Variants in OR11H4 observed in about 807,000 individuals in gnomAD.
OR11H4 encodes olfactory receptor family 11 subfamily H member 4, also known as olfactory receptor 11H4.
For missense variants in OR11H4, 460 were observed against 371.1 expected (o/e 1.24, Z -1.97); for synonymous variants, 162 against 142.3 (o/e 1.14, Z -0.98).
chr14:20,241,484 A>C (rs1880916942), intron 1 of OR11H4, among the ~76,000 whole-genome samples: 1 of 152,236 alleles, frequency 6.6e-6, no homozygotes, highest in African/African-American at 2.4e-5. Flanking sequence ...ACAAATCAAA[A>C]GCTGAAAAGG....
intron 1 of OR11H4, among the ~76,000 whole-genome samples, chr14:20,240,952 C>T (rs1397344169): frequency 7.2e-5 from 11 of 152,054 alleles, no homozygotes; most frequent in Admixed American, 7.2e-4. Context: ...TGTTTAAACA[C>T]ATTTGTGTAT....
At position 20,242,904 on chromosome 14, in the gene OR11H4, TCTC is replaced by T; in HGVS notation, c.84_86del (p.Phe28_Ser29delinsLeu). ...TGCTGGAAGATTCAGATTTTCCTCT[TCTC>T]ATTGTTTTTGGTGATTTATGTCTTG... On this transcript the variant is annotated inframe_deletion, in exon 2 of 2. Transcript: ENST00000641082. The T allele has an allele frequency of 1.9e-6, 3 of 1,614,166 alleles. No individual in the cohort carries two copies. The highest frequency in any genetic ancestry group is 2.2e-5 in the South Asian group (2 of 91,084).
At position 20,243,303 on chromosome 14, in the gene OR11H4, T is replaced by C. The variant is rs751648738; in HGVS notation, c.482T>C (p.Phe161Ser). 6.2e-7 allele frequency: 1 copy of C among 1,614,182 alleles called. No individual in the cohort carries two copies. Among genetic ancestry groups the C allele is most frequent in the Non-Finnish European group, 8.5e-7 (1 of 1,180,018 alleles). Residue 161 changes from phenylalanine (F) to serine (S), a missense_variant, in exon 2 of 2, where the codon TTC becomes TCC. Coordinates refer to ENST00000641082, the MANE Select transcript of OR11H4 (RefSeq NM_001004479.2). ...IGFLGYPIPIFYISQLPFCGP... is the reference protein window; with the variant it reads ...IGFLGYPIPISYISQLPFCGP... ...TTCCTTGGATACCCAATTCCCATTT[T>C]CTACATCTCCCAACTCCCCTTCTGT... is the stretch of plus-strand genomic sequence containing the variant.
Position 20,242,303 on chromosome 14 carries a change from G to A in OR11H4, c.-11-508G>A, listed in dbSNP as rs375310417. ...TGGTTTATTGAGACTAGAGAATGGC[G>A]ATGACTTTTACCAAGTATACTGCTT... On this transcript the variant is annotated intron_variant, in intron 1 of 1. Transcript: ENST00000641082. Among the ~76,000 whole-genome samples the A allele has an allele frequency of 1.3e-3, 194 of 152,204 alleles. 2 individuals are homozygous for A. Among genetic ancestry groups the A allele is most frequent in the African/African-American group, 3.3e-3 (135 of 41,514 alleles).
chr14:20,243,951 TC>T lies in OR11H4; in HGVS notation c.*187del. ...AACCTTAATTAACTGGTCTTCAACA[TC>T]CACTTAAAAGTTTTCAAAGCCTGTC... is the stretch of plus-strand genomic sequence containing the variant. On this transcript the variant is annotated 3_prime_UTR_variant, in exon 2 of 2. Transcript: ENST00000641082. 2.0e-6 allele frequency: 1 copy of T among 494,706 alleles called. No homozygotes were observed. The highest frequency in any genetic ancestry group is 3.3e-5 in the East Asian group (1 of 30,658). The allele number at this position is 494,706 out of a possible 1,614,324, so 30.6% of individuals were successfully genotyped here.
At chr14:20,241,875 T>A (rs8018261) in intron 1 of OR11H4, among the ~76,000 whole-genome samples, 136,798 of 151,998 alleles carry the variant, frequency 0.9, 61,954 homozygotes, top group African/African-American at 0.95. Flanking sequence ...TATGCCTGGA[T>A]GTGCACGTAG....
rs530961333 is a variant in OR11H4, at chr14:20,241,680, A to G, written c.-11-1131A>G. Among the ~76,000 whole-genome samples the G allele has an allele frequency of 1.8e-3, 276 of 152,288 alleles. 1 individual carries two copies. Among genetic ancestry groups the G allele is most frequent in the African/African-American group, 3.0e-3 (123 of 41,560 alleles). On this transcript the variant is annotated intron_variant, in intron 1 of 1. Transcript: ENST00000641082. ...ACAACAGTGAGCCCAGGGGACCGGT[A>G]CTCAGCACACCAAGGACCTGCACCG...
chr14:20,243,478 C>A lies in OR11H4; in HGVS notation c.657C>A (p.Ile219=). The change falls in exon 2 of 2, where the codon ATC becomes ATA. Residue 219 remains isoleucine, a synonymous_variant. Transcript: ENST00000641082. ...FTSMYILRSY[I]LLLTAVFQVP... is the part of the protein sequence containing the mutation. The stretch of plus-strand genomic sequence containing the variant: ...GTATGTACATTCTTCGATCCTATAT[C>A]CTGTTACTAACAGCTGTTTTTCAGG... The A allele has an allele frequency of 6.2e-7, 1 of 1,613,920 alleles. No individual in the cohort carries two copies. Among genetic ancestry groups the A allele is most frequent in the Non-Finnish European group, 8.5e-7 (1 of 1,179,914 alleles).
In OR11H4 at chr14:20,243,618, T is replaced by C; in HGVS notation, c.797T>C (p.Ile266Thr). ...MVMYVSPTYG[I>T]PTLLQKILTL... The stretch of plus-strand genomic sequence containing the variant: ...ATGTATGTAAGTCCTACATATGGGA[T>C]CCCAACTTTATTGCAGAAGATCCTC... The change falls in exon 2 of 2, where the codon ATC becomes ACC. Residue 266 changes from isoleucine to threonine, a missense_variant. Transcript: ENST00000641082. The C allele has an allele frequency of 6.2e-7, 1 of 1,614,084 alleles. No homozygotes were observed. The highest frequency in any genetic ancestry group is 8.5e-7 in the Non-Finnish European group (1 of 1,180,002).
rs1881001946 is a variant in OR11H4, at chr14:20,243,893, C to T, written c.*127C>T. 2.2e-6 allele frequency: 2 copies of T among 903,302 alleles called. No individual in the cohort carries two copies. Among genetic ancestry groups the T allele is most frequent in the Admixed American group, 2.9e-5 (1 of 33,942 alleles). 56.0% of individuals were successfully genotyped at this position (903,302 alleles called of 1,614,324 possible). A position where few individuals can be genotyped will look rare whatever the true frequency, so the allele number is the denominator to read the frequency against. On this transcript the variant is annotated 3_prime_UTR_variant, in exon 2 of 2. Transcript: ENST00000641082. ...TGTATATTTTACCTGGAAGTGTGCC[C>T]AGCTTAAATATGTTTCCAGCACTGA...
In OR11H4 at chr14:20,243,238, G is replaced by A. The variant is rs745530659; in HGVS notation, c.417G>A (p.Arg139=). 2 of 1,614,140 alleles carry A rather than the reference G, an allele frequency of 1.2e-6. No homozygotes were observed. Among genetic ancestry groups the A allele is most frequent in the East Asian group, 2.2e-5 (1 of 44,886 alleles). ...AGTACCCTGCCATCATGACTGTAAG[G>A]TTCTGTGGTAAGCTGGTGTCTTTCT... is the stretch of plus-strand genomic sequence containing the variant. ...PLQYPAIMTV[R]FCGKLVSFCW... Residue 139 remains arginine (R), a synonymous_variant, in exon 2 of 2, where the codon AGG becomes AGA. Transcript: ENST00000641082.
Position 20,242,871 on chromosome 14 carries a change from T to TC in OR11H4, c.53dup (p.Gly19TrpfsTer52). The TC allele has an allele frequency of 6.2e-7, 1 of 1,614,188 alleles. No homozygotes were observed. On this transcript the variant is annotated frameshift_variant, in exon 2 of 2. Coordinates refer to ENST00000641082, the MANE Select transcript of OR11H4 (RefSeq NM_001004479.2). LOFTEE classifies it low-confidence loss of function (END_TRUNC). ...GTGACAGAGTTTATTCTCCTGGGAT[T>TC]CCCTGGTTGCTGGAAGATTCAGATT...
At chr14:20,241,781 G>C (rs1419512553) in intron 1 of OR11H4, among the ~76,000 whole-genome samples, 3 of 152,072 alleles carry the variant, frequency 2.0e-5, no homozygotes, top group African/African-American at 7.2e-5. Context: ...TGTAGTAGGA[G>C]AGCACGGTGA....
At chr14:20,241,599 C>G (rs1275608305) in intron 1 of OR11H4, among the ~76,000 whole-genome samples, 1 of 152,122 alleles carries the variant, frequency 6.6e-6, no homozygotes, top group African/African-American at 2.4e-5. Flanking sequence ...TATTTCTGGT[C>G]TGGTAGGACG....
rs949787346 is a variant in OR11H4 at position 20,243,422 on chromosome 14, A to G, written c.601A>G (p.Thr201Ala). The G allele has an allele frequency of 6.2e-7, 1 of 1,613,628 alleles. No individual in the cohort carries two copies. The change falls in exon 2 of 2, where the codon ACT becomes GCT. Residue 201 changes from threonine (T) to alanine (A), a missense_variant. Physicochemically the swap from Thr to Ala is moderately conservative, Grantham distance 58. Coordinates refer to ENST00000641082, the MANE Select transcript of OR11H4 (RefSeq NM_001004479.2). ...TCCCATAACTGAATGTATTTTCTAT[A>G]CTCAGAGCTCCCTTGTCCTCTTTTT... ...PAPITECIFYTQSSLVLFFTS... is the reference protein window; with the variant it reads ...PAPITECIFYAQSSLVLFFTS...
At chr14:20,241,569 T>G (rs1347964970) in intron 1 of OR11H4, among the ~76,000 whole-genome samples, 3 of 152,164 alleles carry the variant, frequency 2.0e-5, no homozygotes, top group African/African-American at 7.2e-5. Flanking sequence ...AGAGGTGGCC[T>G]GCCCCTCCAC....
At chr14:20,242,682 T>A in intron 1 of OR11H4, 129 bp from the exon 2 acceptor site, 1 of 1,057,988 alleles carries the variant, frequency 9.5e-7, no homozygotes, top group South Asian at 1.6e-5. Context: ...CCACCTGGTC[T>A]CAGATTATCT....
rs771086691 is a variant in OR11H4, at chr14:20,243,051, C to T, written c.230C>T (p.Thr77Ile). 1 of 1,614,192 alleles carries T rather than the reference C, an allele frequency of 6.2e-7. No homozygotes were observed. Among genetic ancestry groups the T allele is most frequent in the South Asian group, 1.1e-5 (1 of 91,088 alleles). Residue 77 changes from threonine to isoleucine, a missense_variant, in exon 2 of 2, where the codon ACT (threonine) becomes ATT (isoleucine). Coordinates refer to ENST00000641082, the MANE Select transcript of OR11H4 (RefSeq NM_001004479.2). ...CTTGAGATCTGGTATGTGTCCTCCA[C>T]TATTCCTAACATGCTAGTCAACATT... ...AFLEIWYVSS[T>I]IPNMLVNILS...
At chr14:20,241,007 A>G (rs904296836) in intron 1 of OR11H4, among the ~76,000 whole-genome samples, 10 of 152,196 alleles carry the variant, frequency 6.6e-5, no homozygotes, top group African/African-American at 2.4e-4. Flanking sequence ...ACTGAAAAGT[A>G]CATACCTAGT....
Sources: gnomAD v4.1 joint callset for allele counts (sites outside exome capture counted in the v4.1 genomes callset) on GRCh38, gnomAD v4.1.1 for gene constraint, MANE v1.5 for transcripts, NCBI Gene and HGNC (gene_info 2026-07-23, HGNC 2026-07-21) for gene names.